NFS1: variants seen among roughly 807,000 people sequenced by gnomAD.
NFS1 encodes cysteine desulfurase.
A neutral mutation model predicts 57.3 loss-of-function variants in NFS1; 26 were observed. The observed-to-expected ratio is 0.45, with a 90% confidence interval of 0.33 to 0.63. NFS1 has a LOEUF of 0.63. NFS1 is among the 20% of genes least tolerant of loss of function. The pLI, the probability that NFS1 is intolerant of heterozygous loss-of-function variation, is 0.02. For missense variants in NFS1, 505 were observed against 605.8 expected, an observed-to-expected ratio of 0.83 and a Z score of 1.75; for synonymous variants, 209 against 216.3, an observed-to-expected ratio of 0.97 and a Z score of 0.30.
chr20:35,678,528 C>CAA (rs1169564584), intron 7 of NFS1, among the ~76,000 whole-genome samples: 2,064 of 56,858 alleles, frequency 0.036, 69 homozygotes, highest in African/African-American at 0.13. Context: ...GACTTTGTCT[C>CAA]AAAAAAAAAA....
Position 35,699,120 on chromosome 20 carries a change from C to G in NFS1, c.97+72G>C. On this transcript the variant is annotated intron_variant, in intron 1 of 12. Transcript: ENST00000374092. This position sits in a 1 kb window ranked among gnomAD's most constrained non-coding sequence, Gnocchi z 4.4. ...GGCAGCAGGGTGGACAGGAAGGCTC[C>G]GGAATATTCAGTTGCGTCGCCGCGC... 2 of 1,358,198 alleles carry G rather than the reference C, an allele frequency of 1.5e-6. No individual in the cohort carries two copies. Among genetic ancestry groups the G allele is most frequent in the Non-Finnish European group, 1.9e-6 (2 of 1,061,318 alleles). The allele number at this position is 1,358,198 out of a possible 1,614,324, so 84.1% of individuals were successfully genotyped here.
intron 5 of NFS1, among the ~76,000 whole-genome samples, chr20:35,684,882 G>A (rs2034912223): frequency 6.6e-6 from 1 of 151,786 alleles, no homozygotes. Flanking sequence ...TTGCAACATA[G>A]GGAGACCCTG....
chr20:35,699,248 A>AAG lies in NFS1; in HGVS notation c.40_41insCT (p.Val14AlafsTer2). ...GGGCTTCGGCCCTGGAGCCGCTGTC[A>AAG]CCGCCACTGCCGCCCGCCTCCAAGC... On this transcript the variant is annotated frameshift_variant, in exon 1 of 13. Transcript: ENST00000374092. LOFTEE classifies it high-confidence loss of function. The surrounding 1 kb of genome is among the most constrained non-coding windows in gnomAD (Gnocchi z 4.4). 1 of 1,426,526 alleles carries AAG rather than the reference A, an allele frequency of 7.0e-7. No individual in the cohort carries two copies. Among genetic ancestry groups the AAG allele is most frequent in the East Asian group, 2.9e-5 (1 of 34,102 alleles). The allele number at this position is 1,426,526 out of a possible 1,614,324, so 88.4% of individuals were successfully genotyped here.
chr20:35,687,009 G>A (rs2034955668), intron 5 of NFS1, among the ~76,000 whole-genome samples: 1 of 152,194 alleles, frequency 6.6e-6, no homozygotes, highest in South Asian at 2.1e-4. Context: ...CTTCTGTTAT[G>A]CGTGGACAGG....
At chr20:35,681,741 T>C in intron 6 of NFS1, 147 bp downstream of exon 6, 2 of 507,572 alleles carry the variant, frequency 3.9e-6, no homozygotes. Context: ...AAATACTGCC[T>C]ATGACACTTC....
At chr20:35,681,489 G>A (rs900559411) in intron 6 of NFS1, among the ~76,000 whole-genome samples, 1 of 152,216 alleles carries the variant, frequency 6.6e-6, no homozygotes, top group Non-Finnish European at 1.5e-5. Context: ...CCTGAGGTTA[G>A]GAGTTCAAGA....
chr20:35,681,802 C>T (rs944714864), intron 6 of NFS1, 86 bp downstream of exon 6: 3 of 724,810 alleles, frequency 4.1e-6, no homozygotes, highest in African/African-American at 1.7e-5. Context: ...CCTAACTACA[C>T]TCCATAGAGT....
rs139166384 is a variant in NFS1, at chr20:35,697,857, T to C, written c.208-57A>G. 5.9e-5 allele frequency: 73 copies of C among 1,232,894 alleles called. No homozygotes were observed. The Middle Eastern group carries it at 7.8e-4, about 13-fold the overall frequency. 76.4% of individuals were successfully genotyped at this position (1,232,894 alleles called of 1,614,324 possible). ...AGCGCATCGTCAATTCAGGTCCCAC[T>C]CCACCCCTCAGACCTGGCCACCCTG... On this transcript the variant is annotated intron_variant, in intron 2 of 12. Transcript: ENST00000374092.
At chr20:35,673,533 A>C (rs1279236624) in intron 11 of NFS1, 68 bp downstream of exon 11, 6 of 1,395,416 alleles carry the variant, frequency 4.3e-6, no homozygotes, top group Non-Finnish European at 6.0e-6. Flanking sequence ...AAAAAGAAAA[A>C]AACTGTAACA....
intron 5 of NFS1, 94 bp from the exon 6 acceptor site, chr20:35,682,075 T>C (rs2034857485): frequency 1.5e-6 from 1 of 652,336 alleles, no homozygotes; most frequent in Non-Finnish European, 2.9e-6. Flanking sequence ...AGGAGTCTTA[T>C]ACTACATACC....
intron 7 of NFS1, among the ~76,000 whole-genome samples, chr20:35,678,191 A>C (rs1164919256): frequency 6.6e-6 from 1 of 150,848 alleles, no homozygotes; most frequent in East Asian, 2.0e-4. Context: ...CTACAAAAAT[A>C]CAAAAAAAAA....
chr20:35,676,478 C>T (rs1337286016), intron 7 of NFS1, among the ~76,000 whole-genome samples: 2 of 150,002 alleles, frequency 1.3e-5, no homozygotes, highest in African/African-American at 2.5e-5. Context: ...CCCAGCTACT[C>T]AGGAGGCTGA....
At chr20:35,676,449 G>T (rs1410980743) in intron 7 of NFS1, among the ~76,000 whole-genome samples, 2 of 151,842 alleles carry the variant, frequency 1.3e-5, no homozygotes, top group Admixed American at 1.3e-4. Context: ...AGCTGGGCGT[G>T]GTGGCACGCA....
intron 7 of NFS1, among the ~76,000 whole-genome samples, chr20:35,678,120 C>T (rs1018088382): frequency 1.3e-5 from 2 of 151,322 alleles, no homozygotes; most frequent in South Asian, 2.1e-4. Context: ...GAGGCCGAGG[C>T]GGGCAGATCA....
intron 4 of NFS1, among the ~76,000 whole-genome samples, chr20:35,691,992 G>A (rs2035049219): frequency 6.6e-6 from 1 of 151,800 alleles, no homozygotes; most frequent in Non-Finnish European, 1.5e-5. Flanking sequence ...AGACCAGCCT[G>A]ACCAACATGG....
chr20:35,681,170 G>C (rs930378778), intron 6 of NFS1, among the ~76,000 whole-genome samples: 8 of 151,292 alleles, frequency 5.3e-5, no homozygotes, highest in Admixed American at 5.3e-4. Flanking sequence ...ATTAACACCA[G>C]CCTTTCAAAA....
chr20:35,680,624 T>C, intron 7 of NFS1, 113 bp downstream of exon 7: 1 of 938,488 alleles, frequency 1.1e-6, no homozygotes, highest in East Asian at 3.0e-5. Flanking sequence ...CAAGGGACTC[T>C]GAATGTACAA....
intron 2 of NFS1, among the ~76,000 whole-genome samples, chr20:35,698,086 C>A (rs1053184695): frequency 1.3e-5 from 2 of 152,190 alleles, no homozygotes; most frequent in African/African-American, 4.8e-5. Flanking sequence ...TCCATTCCTG[C>A]CAGGTAATGT....
chr20:35,683,406 C>CG (rs554409885), intron 5 of NFS1, among the ~76,000 whole-genome samples: 115 of 149,274 alleles, frequency 7.7e-4, no homozygotes, highest in African/African-American at 2.7e-3. Flanking sequence ...CGCTTGAACC[C>CG]GGGGGGCAGA....
Sources: allele counts gnomAD v4.1 joint callset (sites outside exome capture counted in the v4.1 genomes callset), GRCh38; gene constraint gnomAD v4.1.1; non-coding constraint Gnocchi (gnomAD v3.1); transcripts MANE v1.5; gene names NCBI Gene and HGNC (gene_info 2026-07-23, HGNC 2026-07-21).